ZHX3: variants seen among roughly 807,000 people sequenced by gnomAD.
ZHX3 encodes the protein zinc fingers and homeoboxes 3, also known as zinc fingers and homeoboxes protein 3.
ZHX3 carries 20 observed loss-of-function variants against 64.5 expected under a neutral mutation model. The ratio of observed to expected loss-of-function variants is 0.31; its 90% CI spans 0.22 to 0.45. The LOEUF is 0.45. ZHX3 is among the 20% of genes least tolerant of loss of function. The pLI is 1.00. For synonymous variants in ZHX3, 423 were observed against 461.6 expected (o/e 0.92, Z 1.07); for missense variants, 1,041 against 1,195.8 (o/e 0.87, Z 1.91).
intron 3 of ZHX3, among the ~76,000 whole-genome samples, chr20:41,192,234 G>A (rs1600714654): frequency 6.6e-6 from 1 of 152,326 alleles, no homozygotes; most frequent in African/African-American, 2.4e-5. Flanking sequence ...CCCAAGAGGA[G>A]TATTCAAGTG....
At chr20:41,260,138 G>A (rs1272243399) in intron 2 of ZHX3, among the ~76,000 whole-genome samples, 5 of 150,704 alleles carry the variant, frequency 3.3e-5, no homozygotes, top group African/African-American at 1.2e-4. Context: ...AAGGCATATA[G>A]GTAAAGAAAG....
At chr20:41,295,943 G>A (rs959729017) in intron 1 of ZHX3, among the ~76,000 whole-genome samples, 18 of 152,106 alleles carry the variant, frequency 1.2e-4, no homozygotes, top group Middle Eastern at 3.4e-3. Flanking sequence ...AGTAAAAGGT[G>A]ACACACACAG....
intron 2 of ZHX3, among the ~76,000 whole-genome samples, chr20:41,220,779 G>C (rs926543028): frequency 6.6e-6 from 1 of 151,502 alleles, no homozygotes; most frequent in African/African-American, 2.4e-5. Context: ...CTGCAGCCTC[G>C]ACCTCCCAGA....
At position 41,203,038 on chromosome 20, in the gene ZHX3, G is replaced by A; in HGVS notation, c.1879C>T (p.Leu627=). 6.2e-7 allele frequency: 1 copy of A among 1,614,172 alleles called. No homozygotes were observed. The highest frequency in any genetic ancestry group is 8.5e-7 in the Non-Finnish European group (1 of 1,180,036). ...GGGTTTTGTGCAAAACTGCTCTCCA[G>A]GGCTCTGAGCTGCTCAGGGGCTCTC... is the stretch of plus-strand genomic sequence containing the variant. The part of the protein sequence containing the change: ...KERAPEQLRA[L]ESSFAQNPLP... The change falls in exon 3 of 4, where the codon CTG becomes TTG. Residue 627 remains leucine (L), a synonymous_variant. Coordinates refer to ENST00000683867, the MANE Select transcript of ZHX3 (RefSeq NM_001384317.1). This position sits in a 1 kb window ranked among gnomAD's most constrained non-coding sequence, Gnocchi z 7.1.
At chr20:41,242,153 G>A (rs183991862) in intron 2 of ZHX3, among the ~76,000 whole-genome samples, 1 of 152,124 alleles carries the variant, frequency 6.6e-6, no homozygotes, top group Non-Finnish European at 1.5e-5. Flanking sequence ...ACCATCAACT[G>A]GATAAAATTA....
intron 2 of ZHX3, among the ~76,000 whole-genome samples, chr20:41,255,586 T>C (rs1371527279): frequency 6.6e-6 from 1 of 152,174 alleles, no homozygotes; most frequent in African/African-American, 2.4e-5. Context: ...ACTCTTTATA[T>C]AGAGAAACAA....
In ZHX3 at chr20:41,202,219, C is replaced by G; in HGVS notation, c.2698G>C (p.Glu900Gln). 1.2e-6 allele frequency: 2 copies of G among 1,614,218 alleles called. No individual in the cohort carries two copies. The highest frequency in any genetic ancestry group is 1.7e-6 in the Non-Finnish European group (2 of 1,180,036). Residue 900 changes from glutamate (E) to glutamine (Q), a missense_variant, in exon 3 of 4, where the codon GAG (glutamate) becomes CAG (glutamine). Glu to Gln is a conservative substitution (Grantham distance 29). This residue lies in a region of ZHX3 where 649 missense variants were observed against 739.8 expected (regional missense o/e 0.88). Coordinates refer to ENST00000683867, the MANE Select transcript of ZHX3 (RefSeq NM_001384317.1). The surrounding 1 kb of genome is among the most constrained non-coding windows in gnomAD (Gnocchi z 7.0). ...ETRAVADTGS[E>Q]DQGPGTGELT... ...TCACCAGTACCAGGGCCCTGGTCCTCACTGCCTGTGTCTGCCACGGCTCTG... is the reference window on the plus strand; with the variant it reads ...TCACCAGTACCAGGGCCCTGGTCCTGACTGCCTGTGTCTGCCACGGCTCTG...
Position 41,205,049 on chromosome 20 carries a change from AG to A in ZHX3, c.-134del, listed in dbSNP as rs1247663102. 1.5e-6 allele frequency: 2 copies of A among 1,353,376 alleles called. No homozygotes were observed. The highest frequency in any genetic ancestry group is 1.9e-6 in the Non-Finnish European group (2 of 1,050,996). The allele number at this position is 1,353,376 out of a possible 1,614,324, so 83.8% of individuals were successfully genotyped here. Reference sequence around the variant, plus strand: ...GCTTTTTCAGTTGTTTGCAGAAAGCAGGTTTTCCCTATTCAATCTAAGGAAA... The same window carrying A: ...GCTTTTTCAGTTGTTTGCAGAAAGCAGTTTTCCCTATTCAATCTAAGGAAA... On this transcript the variant is annotated 5_prime_UTR_variant, in exon 3 of 4. It removes the in-frame stop codon of an upstream open reading frame in the 5' UTR. Coordinates refer to ENST00000683867, the MANE Select transcript of ZHX3 (RefSeq NM_001384317.1).
chr20:41,308,876 T>G (rs1042599114), intron 1 of ZHX3, among the ~76,000 whole-genome samples: 1 of 152,244 alleles, frequency 6.6e-6, no homozygotes, highest in African/African-American at 2.4e-5. Flanking sequence ...GAGACAGAAT[T>G]GTGCACATAA....
At chr20:41,280,223 TAC>T (rs772458486) in intron 1 of ZHX3, among the ~76,000 whole-genome samples, 1 of 152,116 alleles carries the variant, frequency 6.6e-6, no homozygotes, top group Non-Finnish European at 1.5e-5. Context: ...GAGAACCCAC[TAC>T]AGTTACCACT....
At chr20:41,231,605 C>T (rs764236371) in intron 2 of ZHX3, among the ~76,000 whole-genome samples, 7 of 152,166 alleles carry the variant, frequency 4.6e-5, no homozygotes, top group Non-Finnish European at 8.8e-5. Context: ...ATTGTGAAAT[C>T]TTTGAATTAG....
chr20:41,240,139 T>C (rs1258414733), intron 2 of ZHX3, among the ~76,000 whole-genome samples: 1 of 152,130 alleles, frequency 6.6e-6, no homozygotes, highest in African/African-American at 2.4e-5. Context: ...TGGGACTGCA[T>C]GTGCATGCCA....
chr20:41,241,348 G>A (rs2041368400), intron 2 of ZHX3, among the ~76,000 whole-genome samples: 1 of 152,128 alleles, frequency 6.6e-6, no homozygotes, highest in Admixed American at 6.5e-5. Context: ...CATTTTTAAT[G>A]GGATTATTAG....
At chr20:41,261,664 A>G (rs2042569467) in intron 2 of ZHX3, among the ~76,000 whole-genome samples, 3 of 152,244 alleles carry the variant, frequency 2.0e-5, no homozygotes, top group South Asian at 4.1e-4. Context: ...ACAGTGCTCA[A>G]TATGTTCAAT....
intron 1 of ZHX3, among the ~76,000 whole-genome samples, chr20:41,285,444 T>A (rs1299471493): frequency 6.6e-6 from 1 of 152,212 alleles, no homozygotes; most frequent in African/African-American, 2.4e-5. Flanking sequence ...GCCTTCGACA[T>A]GTCAGTTAAC....
intron 3 of ZHX3, among the ~76,000 whole-genome samples, chr20:41,198,675 C>G (rs1249181108): frequency 6.6e-6 from 1 of 151,918 alleles, no homozygotes; most frequent in African/African-American, 2.4e-5. Flanking sequence ...TGGTGTGGAT[C>G]TGAGTTCATC....
intron 1 of ZHX3, among the ~76,000 whole-genome samples, chr20:41,302,876 G>T (rs2044864053): frequency 6.6e-6 from 1 of 152,194 alleles, no homozygotes; most frequent in Non-Finnish European, 1.5e-5. Flanking sequence ...TTTCTGCAGG[G>T]TTTATCTATT....
chr20:41,194,270 C>A lies in ZHX3; in HGVS notation c.2860+7787G>T, dbSNP rs370280467. Among the ~76,000 whole-genome samples, 9 of 152,186 alleles carry A rather than the reference C, an allele frequency of 5.9e-5. No homozygotes were observed. In the South Asian group the frequency reaches 8.3e-4, roughly 14 times the overall value. ...CATCATATTGTCATATTCCTAGTTA[C>A]TGAGTGTTTATTGTCATGAAAGCAA... On this transcript the variant is annotated intron_variant, in intron 3 of 3. Coordinates refer to ENST00000683867, the MANE Select transcript of ZHX3 (RefSeq NM_001384317.1).
At chr20:41,241,958 C>T (rs981934893) in intron 2 of ZHX3, among the ~76,000 whole-genome samples, 3 of 152,050 alleles carry the variant, frequency 2.0e-5, no homozygotes, top group African/African-American at 7.2e-5. Flanking sequence ...TTTTAAATTA[C>T]TGTCATTATC....
Sources: allele counts gnomAD v4.1 joint callset (sites outside exome capture counted in the v4.1 genomes callset), GRCh38; gene constraint gnomAD v4.1.1; regional missense constraint gnomAD v4.1.1; non-coding constraint Gnocchi (gnomAD v3.1); transcripts MANE v1.5; gene names NCBI Gene and HGNC (gene_info 2026-07-23, HGNC 2026-07-21).